Variants in CLIP2 observed in about 807,000 individuals in gnomAD.
CLIP2 encodes the protein CAP-Gly domain containing linker protein 2, also known as CAP-Gly domain-containing linker protein 2.
CLIP2 carries 41 observed loss-of-function variants against 111.7 expected under a neutral mutation model. That is an observed-to-expected ratio of 0.37 (90% confidence interval 0.29 to 0.48). The LOEUF is 0.48. CLIP2 is among the 20% of genes least tolerant of loss of function. The probability of loss-of-function intolerance (pLI) is 0.99; values close to 1 mark genes in which losing one functional copy is unlikely to be tolerated. For synonymous variants in CLIP2, 660 were observed against 644.2 expected, an observed-to-expected ratio of 1.02 and a Z score of -0.37; for missense variants, 1,160 against 1,422.1, an observed-to-expected ratio of 0.82 and a Z score of 2.96.
At chr7:74,388,103 G>A (rs1791169707) in intron 12 of CLIP2, among the ~76,000 whole-genome samples, 1 of 152,080 alleles carries the variant, frequency 6.6e-6, no homozygotes, top group Non-Finnish European at 1.5e-5. Context: ...GCCGAAGCGG[G>A]TAGATCACCT....
intron 6 of CLIP2, among the ~76,000 whole-genome samples, chr7:74,359,640 C>T (rs1216952874): frequency 6.6e-6 from 1 of 152,206 alleles, no homozygotes; most frequent in Non-Finnish European, 1.5e-5. Context: ...CAGGCAGGAG[C>T]CACTGCACCC....
intron 13 of CLIP2, among the ~76,000 whole-genome samples, chr7:74,396,867 C>T (rs563684623): frequency 6.6e-6 from 1 of 152,060 alleles, no homozygotes; most frequent in South Asian, 2.1e-4. Context: ...AGGTCAAGTC[C>T]TCAGGACCAT....
rs1428136904 is a variant in CLIP2, at chr7:74,404,741, T to C, written c.*893T>C. 2.0e-5 allele frequency: 3 copies of C among 152,236 alleles called. No homozygotes were observed. The highest frequency in any genetic ancestry group is 1.9e-4 in the East Asian group (1 of 5,164). 9.4% of individuals were successfully genotyped at this position (152,236 alleles called of 1,614,324 possible). ...GGGGTTGACCAGATGTTCCAAAATA[T>C]CTGCATCCACCTGGAGATGCAGCTA... is the stretch of plus-strand genomic sequence containing the variant. On this transcript the variant is annotated 3_prime_UTR_variant, in exon 17 of 17. Coordinates refer to ENST00000223398, the MANE Select transcript of CLIP2 (RefSeq NM_003388.5).
chr7:74,312,659 GT>G (rs1554728655), intron 1 of CLIP2, among the ~76,000 whole-genome samples: 1 of 152,144 alleles, frequency 6.6e-6, no homozygotes, highest in African/African-American at 2.4e-5. Flanking sequence ...GAGCAGCCTT[GT>G]ACCCCAGCAT....
intron 8 of CLIP2, among the ~76,000 whole-genome samples, chr7:74,372,509 A>G (rs928831296): frequency 2.6e-5 from 4 of 151,192 alleles, no homozygotes; most frequent in East Asian, 3.9e-4. Flanking sequence ...GACAGCCTGC[A>G]GGGGAACGGG....
At chr7:74,320,958 G>A in intron 2 of CLIP2, among the ~76,000 whole-genome samples, 1 of 26,966 alleles carries the variant, frequency 3.7e-5, no homozygotes, top group Admixed American at 4.8e-4. Flanking sequence ...CGTGCAGCGA[G>A]AGAGTCTTAT....
At chr7:74,330,946 TGTAATCCTAGCACTTTG>T (rs1226197018) in intron 2 of CLIP2, among the ~76,000 whole-genome samples, 1 of 152,008 alleles carries the variant, frequency 6.6e-6, no homozygotes, top group African/African-American at 2.4e-5. Context: ...GGCTCACACC[TGTAATCCTAGCACTTTG>T]GGAGGCTGAG....
intron 7 of CLIP2, among the ~76,000 whole-genome samples, chr7:74,363,844 C>T (rs1554310236): frequency 2.7e-5 from 4 of 145,720 alleles, no homozygotes; most frequent in Middle Eastern, 3.4e-3. Flanking sequence ...CTCAGTGAGC[C>T]GAGATCACAC....
At chr7:74,393,228 G>C (rs1440514692) in intron 13 of CLIP2, among the ~76,000 whole-genome samples, 1 of 151,624 alleles carries the variant, frequency 6.6e-6, no homozygotes, top group African/African-American at 2.4e-5. Context: ...GGGTTTCACT[G>C]TGTTGGCCAG....
intron 8 of CLIP2, among the ~76,000 whole-genome samples, chr7:74,368,983 G>A (rs1275569297): frequency 2.6e-5 from 4 of 152,176 alleles, no homozygotes; most frequent in African/African-American, 7.2e-5. Context: ...AGGGAGAGGT[G>A]GGAGGGTGGT....
chr7:74,309,081 C>T (rs1554728126), intron 1 of CLIP2, among the ~76,000 whole-genome samples: 1 of 152,052 alleles, frequency 6.6e-6, no homozygotes, highest in African/African-American at 2.4e-5. Context: ...GTTGCCCAGG[C>T]TGGTCTCAAA....
chr7:74,397,995 C>CCTGA (rs1791509620), intron 14 of CLIP2, among the ~76,000 whole-genome samples: 1 of 149,540 alleles, frequency 6.7e-6, no homozygotes, highest in African/African-American at 2.4e-5. Context: ...TGAATAGGAA[C>CCTGA]CTGACTTCAC....
In CLIP2 at chr7:74,404,000, C is replaced by A; in HGVS notation, c.*152C>A. On this transcript the variant is annotated 3_prime_UTR_variant, in exon 17 of 17. Coordinates refer to ENST00000223398, the MANE Select transcript of CLIP2 (RefSeq NM_003388.5). The stretch of plus-strand genomic sequence containing the variant: ...GTACTCACCGCCGCGGACAATCCCC[C>A]ACCCCGATCCCTCGCCAGACCAGGA... 1.2e-6 allele frequency: 1 copy of A among 824,464 alleles called. No homozygotes were observed. Among genetic ancestry groups the A allele is most frequent in the Non-Finnish European group, 2.0e-6 (1 of 488,660 alleles). The allele number at this position is 824,464 out of a possible 1,614,324, so 51.1% of individuals were successfully genotyped here.
At position 74,404,128 on chromosome 7, in the gene CLIP2, A is replaced by G. The variant is rs2116722350; in HGVS notation, c.*280A>G. On this transcript the variant is annotated 3_prime_UTR_variant, in exon 17 of 17. Transcript: ENST00000223398. ...CACCCGGCAGCTTCTGGAGTTTGTCAGTGGAGGCAGAGGGGATCCGGCCAG... is the reference window on the plus strand; with the variant it reads ...CACCCGGCAGCTTCTGGAGTTTGTCGGTGGAGGCAGAGGGGATCCGGCCAG... 1 of 467,510 alleles carries G rather than the reference A, an allele frequency of 2.1e-6. No individual in the cohort carries two copies. The highest frequency in any genetic ancestry group is 4.0e-6 in the Non-Finnish European group (1 of 252,252). The allele number at this position is 467,510 out of a possible 1,614,324, so 29.0% of individuals were successfully genotyped here. A position where few individuals can be genotyped will look rare whatever the true frequency, so the allele number is the denominator to read the frequency against.
intron 8 of CLIP2, among the ~76,000 whole-genome samples, chr7:74,371,008 G>T (rs192548303): frequency 1.3e-5 from 2 of 152,114 alleles, no homozygotes; most frequent in Non-Finnish European, 2.9e-5. Context: ...AGCACTTTGG[G>T]AGGCTGAGGT....
chr7:74,299,542 C>T (rs1291316900), intron 1 of CLIP2, among the ~76,000 whole-genome samples: 1 of 152,132 alleles, frequency 6.6e-6, no homozygotes, highest in Non-Finnish European at 1.5e-5. Flanking sequence ...CTGGAGTGGA[C>T]CCTGGTTTGC....
At chr7:74,296,641 T>G (rs1245080228) in intron 1 of CLIP2, among the ~76,000 whole-genome samples, 1 of 150,634 alleles carries the variant, frequency 6.6e-6, no homozygotes, top group Non-Finnish European at 1.5e-5. Flanking sequence ...GATAAAAAAT[T>G]AGCCGGGTGT....
intron 6 of CLIP2, among the ~76,000 whole-genome samples, chr7:74,357,821 A>G (rs1241284933): frequency 6.6e-6 from 1 of 150,546 alleles, no homozygotes; most frequent in Middle Eastern, 3.2e-3. Flanking sequence ...TAGTGGTGCA[A>G]TCTCGGCTCA....
intron 13 of CLIP2, among the ~76,000 whole-genome samples, chr7:74,390,541 C>A (rs1234992154): frequency 1.3e-5 from 2 of 151,768 alleles, no homozygotes; most frequent in African/African-American, 4.8e-5. Context: ...TAGTAGCATA[C>A]ATCTGTAATC....
Sources: gnomAD v4.1 joint callset for allele counts (sites outside exome capture counted in the v4.1 genomes callset) on GRCh38, gnomAD v4.1.1 for gene constraint, MANE v1.5 for transcripts, NCBI Gene and HGNC (gene_info 2026-07-23, HGNC 2026-07-21) for gene names.